KLHL24: variants seen among roughly 807,000 people sequenced by gnomAD.
The protein encoded by KLHL24 is kelch like family member 24.
KLHL24 carries 29 observed loss-of-function variants against 53.4 expected under a neutral mutation model. The ratio of observed to expected loss-of-function variants is 0.54; its 90% CI spans 0.40 to 0.74. The LOEUF (loss-of-function observed/expected upper bound fraction) is 0.74. KLHL24 is among the 30% of genes least tolerant of loss of function. KLHL24 has a pLI of 0.00. For missense variants in KLHL24, 504 were observed against 744.0 expected (o/e 0.68, Z 3.75); for synonymous variants, 222 against 253.7 (o/e 0.88, Z 1.19).
intron 5 of KLHL24, among the ~76,000 whole-genome samples, chr3:183,669,019 C>CA (rs1720968670): frequency 6.6e-6 from 1 of 152,054 alleles, no homozygotes. Flanking sequence ...CAAGATTACA[C>CA]AAAAAATGAT....
At chr3:183,653,728 T>G (rs1718462044) in intron 3 of KLHL24, among the ~76,000 whole-genome samples, 1 of 152,206 alleles carries the variant, frequency 6.6e-6, no homozygotes, top group Non-Finnish European at 1.5e-5. Flanking sequence ...GGGAGACTGA[T>G]AAGAACTTGT....
At chr3:183,642,850 G>A (rs1405712573) in intron 1 of KLHL24, 1 of 151,974 alleles carries the variant, frequency 6.6e-6, no homozygotes, top group Non-Finnish European at 1.5e-5. Flanking sequence ...TGTTTTTTCA[G>A]TGCTACCATT....
chr3:183,651,232 C>T lies in KLHL24; in HGVS notation c.876C>T (p.His292=). The T allele has an allele frequency of 6.2e-7, 1 of 1,614,112 alleles. No homozygotes were observed. The highest frequency in any genetic ancestry group is 1.3e-5 in the African/African-American group (1 of 75,050). Reference sequence around the variant, plus strand: ...TGTTGCATGAAGCAAGACGGTACCACATACTTGGGAATGAAATGATGTCCC... The same window carrying T: ...TGTTGCATGAAGCAAGACGGTACCATATACTTGGGAATGAAATGATGTCCC... ...YQLLHEARRY[H]ILGNEMMSPR... The change falls in exon 3 of 8, where the codon CAC becomes CAT. Residue 292 remains histidine (H), a synonymous_variant. Coordinates refer to ENST00000242810, the MANE Select transcript of KLHL24 (RefSeq NM_017644.3).
rs1414499800 is a variant in KLHL24, at chr3:183,684,166, TCCC to T, written c.*4882_*4884del. ...TACCTTTTTGAAAAAGCACTTACTC[TCCC>T]CTTCCCTATCACCCCTCCCCCAAGG... On this transcript the variant is annotated 3_prime_UTR_variant, in exon 8 of 8. Transcript: ENST00000242810. 1 of 152,146 alleles carries T rather than the reference TCCC, an allele frequency of 6.6e-6. No individual in the cohort carries two copies. The highest frequency in any genetic ancestry group is 2.4e-5 in the African/African-American group (1 of 41,402). 9.4% of individuals were successfully genotyped at this position (152,146 alleles called of 1,614,324 possible).
At chr3:183,678,408 G>A (rs1712272178) in intron 7 of KLHL24, among the ~76,000 whole-genome samples, 1 of 152,150 alleles carries the variant, frequency 6.6e-6, no homozygotes, top group Non-Finnish European at 1.5e-5. Context: ...GGAGAAGCAA[G>A]CCAGGCTCTT....
intron 3 of KLHL24, among the ~76,000 whole-genome samples, chr3:183,656,327 C>G (rs1181560041): frequency 3.3e-5 from 5 of 152,164 alleles, no homozygotes; most frequent in African/African-American, 1.2e-4. Flanking sequence ...CCATGCCAAA[C>G]CACCCGTAGC....
chr3:183,649,013 AAG>A (rs1717739558), intron 2 of KLHL24, among the ~76,000 whole-genome samples: 1 of 146,456 alleles, frequency 6.8e-6, no homozygotes, highest in South Asian at 2.1e-4. Context: ...CAAAAAAAAA[AAG>A]AGACACAGAG....
intron 1 of KLHL24, among the ~76,000 whole-genome samples, chr3:183,639,326 A>G (rs1014720592): frequency 4.0e-5 from 6 of 151,898 alleles, no homozygotes; most frequent in African/African-American, 1.2e-4. Flanking sequence ...GAAGTCATGT[A>G]AAATATTAGA....
chr3:183,646,017 A>G (rs6775348), intron 2 of KLHL24, among the ~76,000 whole-genome samples: 48,075 of 151,564 alleles, frequency 0.32, 8,141 homozygotes, highest in East Asian at 0.48. Context: ...AAATGCATGT[A>G]TATTTGTACA....
At chr3:183,644,698 C>G (rs910104990) in intron 2 of KLHL24, among the ~76,000 whole-genome samples, 4 of 152,024 alleles carry the variant, frequency 2.6e-5, no homozygotes, top group Non-Finnish European at 4.4e-5. Flanking sequence ...AAAGACAGAC[C>G]CTTAATTGAT....
In KLHL24 at chr3:183,663,546, C is replaced by T; in HGVS notation, c.1009C>T (p.Pro337Ser). The change falls in exon 4 of 8, where the codon CCT becomes TCT. Residue 337 changes from proline to serine, a missense_variant. Transcript: ENST00000242810. This position sits in a 1 kb window ranked among gnomAD's most constrained non-coding sequence, Gnocchi z 4.9. ...FNLPYTECYD[P>S]VTGEWKSLAK... ...TCTTCCATACACTGAGTGCTACGAT[C>T]CTGTAACAGGAGAATGGAAGTCTTT... The T allele has an allele frequency of 6.2e-7, 1 of 1,608,904 alleles. No individual in the cohort carries two copies.
chr3:183,669,621 G>A (rs1164576886), intron 5 of KLHL24, among the ~76,000 whole-genome samples: 1 of 152,138 alleles, frequency 6.6e-6, no homozygotes, highest in Non-Finnish European at 1.5e-5. Flanking sequence ...TGAGTACTGT[G>A]GAAATTTGGG....
intron 3 of KLHL24, among the ~76,000 whole-genome samples, chr3:183,662,435 A>G (rs376496068): frequency 1.1e-4 from 16 of 152,160 alleles, no homozygotes; most frequent in East Asian, 3.9e-4. Context: ...GATTGTTGGC[A>G]TTTTTCTTTG....
At chr3:183,639,693 C>T (rs571907291) in intron 1 of KLHL24, among the ~76,000 whole-genome samples, 137 of 125,474 alleles carry the variant, frequency 1.1e-3, no homozygotes, top group Non-Finnish European at 1.4e-3. Flanking sequence ...TTGCTGGCAT[C>T]CTTGCAGATT....
rs1712884909 is a variant in KLHL24 at position 183,683,316 on chromosome 3, TTATTTTAGTAAACTC to T, written c.*4031_*4045del. On this transcript the variant is annotated 3_prime_UTR_variant, in exon 8 of 8. Transcript: ENST00000242810. ...CTTTGAGGCTTCCTATGGACTGCCT[TTATTTTAGTAAACTC>T]AAGACACCAGTTAACCTCAACAGAG... The T allele has an allele frequency of 6.6e-6, 1 of 152,626 alleles. No homozygotes were observed. The allele number at this position is 152,626 out of a possible 1,614,324, so 9.5% of individuals were successfully genotyped here.
intron 3 of KLHL24, among the ~76,000 whole-genome samples, chr3:183,657,541 G>A (rs1719085356): frequency 6.6e-6 from 1 of 152,152 alleles, no homozygotes; most frequent in African/African-American, 2.4e-5. Context: ...TTTTCCTTAA[G>A]AAATGGTGTT....
chr3:183,656,649 CT>C (rs2108816238), intron 3 of KLHL24, among the ~76,000 whole-genome samples: 1 of 152,206 alleles, frequency 6.6e-6, no homozygotes, highest in Admixed American at 6.5e-5. Flanking sequence ...AGAAAAGTAA[CT>C]TACCTTTCTG....
intron 1 of KLHL24, among the ~76,000 whole-genome samples, chr3:183,637,253 T>C (rs1391840958): frequency 6.6e-6 from 1 of 152,172 alleles, no homozygotes; most frequent in Non-Finnish European, 1.5e-5. Context: ...TTTATTAGGG[T>C]TGTAAAATAG....
Position 183,642,746 on chromosome 3 carries a change from C to G in KLHL24, c.-124-734C>G, listed in dbSNP as rs187004311. Among the ~76,000 whole-genome samples, 167 of 152,052 alleles carry G rather than the reference C, an allele frequency of 1.1e-3. 1 individual carries two copies. Among genetic ancestry groups the G allele is most frequent in the African/African-American group, 3.8e-3 (157 of 41,486 alleles). On this transcript the variant is annotated intron_variant, in intron 1 of 7. Transcript: ENST00000242810. ...AAGATAAAAAAATTATTTGCTAACTCTTAGAATTATTTAATGGCCCCAAAC... is the reference window on the plus strand; with the variant it reads ...AAGATAAAAAAATTATTTGCTAACTGTTAGAATTATTTAATGGCCCCAAAC...
Sources: gnomAD v4.1 joint callset for allele counts (sites outside exome capture counted in the v4.1 genomes callset) on GRCh38, gnomAD v4.1.1 for gene constraint, Gnocchi (gnomAD v3.1) non-coding constraint, MANE v1.5 for transcripts, NCBI Gene and HGNC (gene_info 2026-07-23, HGNC 2026-07-21) for gene names.